Variants in NUP155 observed in about 807,000 individuals in gnomAD.
NUP155 encodes the protein nuclear pore complex protein Nup155.
NUP155 carries 71 observed loss-of-function variants against 180.4 expected under a neutral mutation model. The ratio of observed to expected loss-of-function variants is 0.39; its 90% CI spans 0.33 to 0.48. The LOEUF is 0.48. NUP155 is among the 20% of genes least tolerant of loss of function. The pLI is 0.91. For missense variants in NUP155, 1,553 were observed against 1,648.9 expected (o/e 0.94, Z 1.01); for synonymous variants, 582 against 559.5 (o/e 1.04, Z -0.57).
chr5:37,325,988 A>T (rs751958403), intron 18 of NUP155, 21 bp from the exon 19 acceptor site: 4 of 1,519,618 alleles, frequency 2.6e-6, no homozygotes, highest in Non-Finnish European at 3.6e-6. Context: ...AAAAGTTTTA[A>T]TGATTGTGCT....
chr5:37,319,058 G>A (rs1425389762), intron 20 of NUP155, among the ~76,000 whole-genome samples: 1 of 152,136 alleles, frequency 6.6e-6, no homozygotes, highest in African/African-American at 2.4e-5. Flanking sequence ...TCTCAAACAT[G>A]AGCCCCCAAA....
intron 3 of NUP155, among the ~76,000 whole-genome samples, chr5:37,359,040 G>T (rs1049927036): frequency 1.3e-5 from 2 of 151,600 alleles, no homozygotes; most frequent in African/African-American, 4.8e-5. Flanking sequence ...TGGGAGAGGT[G>T]GCTCATGCCT....
chr5:37,365,752 T>TATATATACAC lies in NUP155; in HGVS notation c.158-1369_158-1368insGTGTATATAT, dbSNP rs1403169370. Among the ~76,000 whole-genome samples, 48 of 37,888 alleles carry TATATATACAC rather than the reference T, an allele frequency of 1.3e-3. 1 individual carries two copies. The highest frequency in any genetic ancestry group is 2.2e-3 in the East Asian group (3 of 1,342). The allele number at this position is 37,888 out of a possible 152,430, so 24.9% of individuals were successfully genotyped here. The stretch of plus-strand genomic sequence containing the variant: ...AAAAAAAAAAAAATATATATATATA[T>TATATATACAC]ACACACACACACACACACACACACA... On this transcript the variant is annotated intron_variant, in intron 1 of 34. Coordinates refer to ENST00000231498, the MANE Select transcript of NUP155 (RefSeq NM_153485.3).
At chr5:37,360,744 C>G (rs1747150834) in intron 3 of NUP155, among the ~76,000 whole-genome samples, 1 of 150,232 alleles carries the variant, frequency 6.7e-6, no homozygotes, top group Non-Finnish European at 1.5e-5. Flanking sequence ...CGAGATCATG[C>G]CACTGCACTC....
At chr5:37,307,535 T>TAAC (rs1743234351) in intron 24 of NUP155, 103 bp from the exon 25 acceptor site, 1 of 1,061,592 alleles carries the variant, frequency 9.4e-7, no homozygotes, top group Non-Finnish European at 1.4e-6. Context: ...ATGTCTCTAC[T>TAAC]GTACAATAGT....
chr5:37,333,662 A>C (rs767776212), intron 12 of NUP155, 29 bp from the exon 13 acceptor site: 1 of 1,575,034 alleles, frequency 6.3e-7, no homozygotes. Flanking sequence ...TGTTTTATAC[A>C]TCATATTGAA....
intron 4 of NUP155, among the ~76,000 whole-genome samples, chr5:37,355,344 C>T (rs1443570799): frequency 6.6e-6 from 1 of 151,582 alleles, no homozygotes; most frequent in Non-Finnish European, 1.5e-5. Flanking sequence ...CCACATGCTA[C>T]TAAAAATACA....
chr5:37,360,604 G>A (rs1284091612), intron 3 of NUP155, among the ~76,000 whole-genome samples: 3 of 151,354 alleles, frequency 2.0e-5, no homozygotes, highest in South Asian at 2.1e-4. Flanking sequence ...TGCCCAACCC[G>A]GTGAAACTCC....
chr5:37,295,708 G>A (rs111703633), intron 32 of NUP155, among the ~76,000 whole-genome samples: 22,546 of 149,644 alleles, frequency 0.15, 1,622 homozygotes, highest in South Asian at 0.19. Context: ...CGCCCCGTCC[G>A]GGATGTGAGG....
intron 21 of NUP155, among the ~76,000 whole-genome samples, chr5:37,315,827 C>T (rs560873092): frequency 6.6e-6 from 1 of 152,162 alleles, no homozygotes; most frequent in Non-Finnish European, 1.5e-5. Context: ...CCTGTAACCA[C>T]AGCTACTCGG....
intron 16 of NUP155, 120 bp downstream of exon 16, chr5:37,329,070 C>T: frequency 2.7e-6 from 2 of 732,542 alleles, no homozygotes; most frequent in Non-Finnish European, 4.8e-6. Context: ...TAGATGTATT[C>T]ATCAATTATA....
At chr5:37,354,239 CG>C (rs374490352) in intron 4 of NUP155, among the ~76,000 whole-genome samples, 6 of 147,630 alleles carry the variant, frequency 4.1e-5, no homozygotes, top group African/African-American at 1.5e-4. Context: ...CTCTGCCTCC[CG>C]GGTTCAAGTG....
At chr5:37,338,470 G>A (rs1464840616) in intron 11 of NUP155, among the ~76,000 whole-genome samples, 2 of 147,338 alleles carry the variant, frequency 1.4e-5, no homozygotes, top group Non-Finnish European at 3.0e-5. Context: ...GCAGTGGCGC[G>A]ATCTCGGCTC....
intron 12 of NUP155, among the ~76,000 whole-genome samples, chr5:37,335,878 G>GGATC (rs1290091928): frequency 6.6e-6 from 1 of 152,088 alleles, no homozygotes; most frequent in Non-Finnish European, 1.5e-5. Flanking sequence ...TGAGGTAGGA[G>GGATC]GATCCCCTGA....
At position 37,298,933 on chromosome 5, in the gene NUP155, G is replaced by A; in HGVS notation, c.3728C>T (p.Ala1243Val). The part of the protein sequence containing the change: ...VTLSSSDRMH[A>V]LSLKIVLLGK... The stretch of plus-strand genomic sequence containing the variant: ...AAGGAGAACAATCTTGAGACTAAGA[G>A]CATGCATTCTATCCGAGGAGCTCAA... Residue 1243 changes from alanine to valine, a missense_variant, in exon 32 of 35, where the codon GCT becomes GTT. Coordinates refer to ENST00000231498, the MANE Select transcript of NUP155 (RefSeq NM_153485.3). 1 of 1,613,206 alleles carries A rather than the reference G, an allele frequency of 6.2e-7. No individual in the cohort carries two copies. Among genetic ancestry groups the A allele is most frequent in the South Asian group, 1.1e-5 (1 of 91,056 alleles).
At chr5:37,329,725 G>A (rs907822481) in intron 15 of NUP155, among the ~76,000 whole-genome samples, 1 of 152,142 alleles carries the variant, frequency 6.6e-6, no homozygotes, top group African/African-American at 2.4e-5. Context: ...ATATTAAGCA[G>A]AATTGGCATA....
chr5:37,349,617 A>G (rs1746332604), intron 7 of NUP155, among the ~76,000 whole-genome samples: 1 of 152,204 alleles, frequency 6.6e-6, no homozygotes, highest in South Asian at 2.1e-4. Flanking sequence ...ACTACATCCT[A>G]GAAACACAGA....
chr5:37,354,291 C>A (rs746656796), intron 4 of NUP155, among the ~76,000 whole-genome samples: 6 of 151,920 alleles, frequency 3.9e-5, no homozygotes, highest in Non-Finnish European at 7.4e-5. Context: ...AGATTACAGG[C>A]ATATGGCACC....
At chr5:37,365,796 C>T (rs1342072039) in intron 1 of NUP155, among the ~76,000 whole-genome samples, 9 of 135,626 alleles carry the variant, frequency 6.6e-5, no homozygotes, top group African/African-American at 1.4e-4. Context: ...CACACACAGA[C>T]GCCTACTATG....
Sources: allele counts gnomAD v4.1 joint callset (sites outside exome capture counted in the v4.1 genomes callset), GRCh38; gene constraint gnomAD v4.1.1; transcripts MANE v1.5; gene names NCBI Gene and HGNC (gene_info 2026-07-23, HGNC 2026-07-21).